Variants in ARHGEF16 observed in about 807,000 individuals in gnomAD.
The protein encoded by ARHGEF16 is Rho guanine exchange factor (GEF) 16.
A neutral mutation model predicts 74.1 loss-of-function variants in ARHGEF16; 59 were observed. The ratio of observed to expected loss-of-function variants is 0.80; its 90% confidence interval spans 0.65 to 0.99. ARHGEF16 has a LOEUF of 0.99. ARHGEF16 is among the 50% of genes least tolerant of loss of function. The probability of loss-of-function intolerance (pLI) is 0.00; values close to 1 mark genes in which losing one functional copy is unlikely to be tolerated. For missense variants in ARHGEF16, 948 were observed against 986.6 expected (o/e 0.96, Z 0.52); for synonymous variants, 415 against 412.6 (o/e 1.01, Z -0.07).
chr1:3,467,980 C>A (rs1173550219), intron 4 of ARHGEF16, among the ~76,000 whole-genome samples: 9 of 152,164 alleles, frequency 5.9e-5, no homozygotes, highest in Non-Finnish European at 4.4e-5. Context: ...GGGGCTGGCA[C>A]TGCAACCACC....
At chr1:3,479,473 A>C (rs758237792) in intron 12 of ARHGEF16, 44 bp from the exon 13 acceptor site, 1 of 1,603,552 alleles carries the variant, frequency 6.2e-7, no homozygotes, top group Non-Finnish European at 8.5e-7. Flanking sequence ...TCAGACGGGC[A>C]GGATCGGTCT....
At chr1:3,469,849 C>T (rs1477902819) in intron 6 of ARHGEF16, among the ~76,000 whole-genome samples, 2 of 152,196 alleles carry the variant, frequency 1.3e-5, no homozygotes, top group Admixed American at 1.3e-4. Flanking sequence ...GAGCACTTCC[C>T]AGGGGTACAA....
chr1:3,470,460 C>T lies in ARHGEF16; in HGVS notation c.1022+867C>T, dbSNP rs141465214. ...GTGTGTATGCATGGTTGTGTGTGCG[C>T]GGGTGTGTGCATGGATGTGTGTGCA... On this transcript the variant is annotated intron_variant, in intron 6 of 14. Coordinates refer to ENST00000378378, the MANE Select transcript of ARHGEF16 (RefSeq NM_014448.4). Among the ~76,000 whole-genome samples, 216 of 133,994 alleles carry T rather than the reference C, an allele frequency of 1.6e-3. 3 individuals are homozygous for T. The highest frequency in any genetic ancestry group is 5.7e-3 in the Middle Eastern group (1 of 174). The allele number at this position is 133,994 out of a possible 152,430, so 87.9% of individuals were successfully genotyped here.
intron 12 of ARHGEF16, among the ~76,000 whole-genome samples, chr1:3,478,983 C>G (rs1315442446): frequency 1.3e-5 from 2 of 152,156 alleles, no homozygotes; most frequent in East Asian, 3.9e-4. Context: ...CCCTGAGGCC[C>G]CGAGGGCACA....
At position 3,463,268 on chromosome 1, in the gene ARHGEF16, C is replaced by T; in HGVS notation, c.184C>T (p.Pro62Ser). Residue 62 changes from proline (P) to serine (S), a missense_variant, in exon 2 of 15, where the codon CCC becomes TCC. By Grantham distance (74) the Pro-to-Ser change is moderately conservative. Transcript: ENST00000378378. ...PQVPAPPQPR[P>S]PGHEEPWPIV... ...GGTCCCGGCACCCCCACAGCCTCGGCCCCCGGGGCACGAGGAGCCATGGCC... is the reference window on the plus strand; with the variant it reads ...GGTCCCGGCACCCCCACAGCCTCGGTCCCCGGGGCACGAGGAGCCATGGCC... The T allele has an allele frequency of 6.5e-7, 1 of 1,549,608 alleles. No homozygotes were observed. Among genetic ancestry groups the T allele is most frequent in the East Asian group, 2.4e-5 (1 of 40,904 alleles).
In ARHGEF16 at chr1:3,478,484, A is replaced by G; in HGVS notation, c.1686A>G (p.Ile562Met). The G allele has an allele frequency of 2.5e-6, 4 of 1,612,590 alleles. No homozygotes were observed. Among genetic ancestry groups the G allele is most frequent in the Non-Finnish European group, 3.4e-6 (4 of 1,179,834 alleles). Residue 562 changes from isoleucine to methionine, a missense_variant, in exon 12 of 15, where the codon ATA (isoleucine) becomes ATG (methionine). By Grantham distance (10) the Ile-to-Met change is conservative. Transcript: ENST00000378378. The stretch of plus-strand genomic sequence containing the variant: ...TGAACCACATCCAGGTGGAGAAGAT[A>G]GAGCCGTCTGAGCTCCCTCTGCCCG... ...AQMNHIQVEK[I>M]EPSELPLPGG... is the part of the protein sequence containing the mutation.
At chr1:3,455,484 G>A (rs774923400) in intron 1 of ARHGEF16, among the ~76,000 whole-genome samples, 1 of 152,140 alleles carries the variant, frequency 6.6e-6, no homozygotes, top group Non-Finnish European at 1.5e-5. Flanking sequence ...TGTCTTGGCC[G>A]CTCAGCCTCT....
intron 1 of ARHGEF16, among the ~76,000 whole-genome samples, chr1:3,462,648 C>CCAGGTCTT (rs1400099559): frequency 1.7e-4 from 26 of 152,340 alleles, no homozygotes; most frequent in African/African-American, 5.5e-4. Context: ...GGATTCCAGG[C>CCAGGTCTT]CAGGTCTTCA....
chr1:3,478,196 C>G (rs1001167011), intron 11 of ARHGEF16, 170 bp downstream of exon 11: 1 of 1,024,936 alleles, frequency 9.8e-7, no homozygotes, highest in South Asian at 1.6e-5. Context: ...AGGTGGCGCT[C>G]GCTGTGCAGC....
At chr1:3,456,333 C>T (rs546594557) in intron 1 of ARHGEF16, among the ~76,000 whole-genome samples, 4 of 152,336 alleles carry the variant, frequency 2.6e-5, no homozygotes, top group East Asian at 3.9e-4. Context: ...TCTGTGTTCA[C>T]GTTGTGATCC....
intron 3 of ARHGEF16, 28 bp downstream of exon 3, chr1:3,466,221 G>A (rs923242591): frequency 1.3e-6 from 2 of 1,533,320 alleles, no homozygotes; most frequent in Admixed American, 2.1e-5. Flanking sequence ...AGGCACCGCG[G>A]GCTGGGCTCC....
In ARHGEF16 at chr1:3,474,695, G is replaced by C; in HGVS notation, c.1306-13G>C. On this transcript the variant is annotated splice_polypyrimidine_tract_variant and intron_variant, in intron 8 of 14. Transcript: ENST00000378378. The stretch of plus-strand genomic sequence containing the variant: ...AGAGGGGACTTTCTGTCCCATGTCT[G>C]TTGTCCATCCAGACGCTCTGCCTCA... The C allele has an allele frequency of 6.2e-7, 1 of 1,612,032 alleles. No individual in the cohort carries two copies.
chr1:3,474,177 G>A (rs1438521834), intron 8 of ARHGEF16: 2 of 191,350 alleles, frequency 1.0e-5, no homozygotes, highest in Admixed American at 5.3e-5. Context: ...TTGCATACAT[G>A]CACACACAGG....
At chr1:3,469,333 C>T in intron 5 of ARHGEF16, 100 bp from the exon 6 acceptor site, 1 of 1,418,482 alleles carries the variant, frequency 7.0e-7, no homozygotes, top group Non-Finnish European at 9.7e-7. Context: ...CCCCACCTGC[C>T]CCTGCCACCC....
Position 3,473,115 on chromosome 1 carries a change from G to C in ARHGEF16, c.1060G>C (p.Val354Leu). Residue 354 changes from valine (V) to leucine (L), a missense_variant, in exon 7 of 15, where the codon GTG becomes CTG. Transcript: ENST00000378378. The part of the protein sequence containing the change: ...EDLEQRHKAQ[V>L]LVEDISDILE... ...CCTGGAGCAGCGGCACAAGGCCCAG[G>C]TGCTGGTCGAGGACATCAGTGACAT... 6.2e-7 allele frequency: 1 copy of C among 1,613,442 alleles called. No individual in the cohort carries two copies. Among genetic ancestry groups the C allele is most frequent in the South Asian group, 1.1e-5 (1 of 91,088 alleles).
chr1:3,473,546 G>C, intron 8 of ARHGEF16, 24 bp downstream of exon 8: 1 of 1,602,602 alleles, frequency 6.2e-7, no homozygotes, highest in African/African-American at 1.3e-5. Context: ...CTGAGGGTGG[G>C]GCCGGGCATA....
Position 3,478,033 on chromosome 1 carries a change from T to C in ARHGEF16, c.1625+7T>C, listed in dbSNP as rs757349509. 5 of 1,612,540 alleles carry C rather than the reference T, an allele frequency of 3.1e-6. No homozygotes were observed. In the African/African-American group the frequency reaches 6.7e-5, roughly 22 times the overall value. The stretch of plus-strand genomic sequence containing the variant: ...TTGTGACCAAGAAGAAGAGGTGGCC[T>C]TAGGGCAGGAGGGTGTGGGGAGCCC... On this transcript the variant is annotated splice_region_variant and intron_variant, in intron 11 of 14. Transcript: ENST00000378378.
intron 2 of ARHGEF16, among the ~76,000 whole-genome samples, chr1:3,465,058 G>T (rs912770759): frequency 6.6e-6 from 1 of 152,218 alleles, no homozygotes; most frequent in African/African-American, 2.4e-5. Flanking sequence ...CACCTCTGCC[G>T]CAGGCCCCTG....
At chr1:3,462,909 T>C (rs1414693416) in intron 1 of ARHGEF16, among the ~76,000 whole-genome samples, 157 bp from the exon 2 acceptor site, 1 of 152,094 alleles carries the variant, frequency 6.6e-6, no homozygotes, top group Non-Finnish European at 1.5e-5. Flanking sequence ...GTGCCACTGA[T>C]CCACTGTGCT....
Sources: allele counts gnomAD v4.1 joint callset (sites outside exome capture counted in the v4.1 genomes callset), GRCh38; gene constraint gnomAD v4.1.1; transcripts MANE v1.5; gene names NCBI Gene and HGNC (gene_info 2026-07-23, HGNC 2026-07-21).